ERC1: variants seen among roughly 807,000 people sequenced by gnomAD.
ERC1 encodes the protein ELKS/RAB6-interacting/CAST family member 1, also known as RAB6 interacting protein 2.
A neutral mutation model predicts 132.0 loss-of-function variants in ERC1; 56 were observed. That is an observed-to-expected ratio of 0.42 (90% CI 0.34 to 0.53). The LOEUF (loss-of-function observed/expected upper bound fraction) is 0.53. Among genes scored for constraint, ERC1 ranks in the 20% least tolerant of loss-of-function variants. ERC1 has a pLI of 0.03. For synonymous variants in ERC1, 478 were observed against 476.1 expected (o/e 1.00, Z -0.05); for missense variants, 1,202 against 1,349.9 (o/e 0.89, Z 1.72).
chr12:1,064,014 T>G (rs1468635526), intron 2 of ERC1, among the ~76,000 whole-genome samples: 1 of 152,232 alleles, frequency 6.6e-6, no homozygotes, highest in Non-Finnish European at 1.5e-5. Context: ...AAGACTTTAT[T>G]TCTCCTTCAT....
At chr12:1,247,956 A>G (rs1444369260) in intron 13 of ERC1, among the ~76,000 whole-genome samples, 1 of 152,228 alleles carries the variant, frequency 6.6e-6, no homozygotes, top group Non-Finnish European at 1.5e-5. Flanking sequence ...AGATCATGCA[A>G]CTGCACTCTA....
In ERC1 at chr12:1,028,586, G is replaced by A. The variant is rs757704162; in HGVS notation, c.669+14G>A. ...GAGGAAAACCAGGTAAGTTCTACGT[G>A]TGTTTACCTTTATTGGCTGAATTCA... is the stretch of plus-strand genomic sequence containing the variant. On this transcript the variant is annotated intron_variant, in intron 2 of 18. Transcript: ENST00000360905. 6.3e-7 allele frequency: 1 copy of A among 1,581,780 alleles called. No individual in the cohort carries two copies. The highest frequency in any genetic ancestry group is 1.4e-5 in the African/African-American group (1 of 73,336).
At chr12:1,146,941 A>G (rs969267573) in intron 8 of ERC1, among the ~76,000 whole-genome samples, 2 of 152,162 alleles carry the variant, frequency 1.3e-5, no homozygotes, top group African/African-American at 4.8e-5. Context: ...TGTCCTTACA[A>G]AGGACACAAA....
In ERC1 at chr12:1,096,000, A is replaced by C. The variant is rs552526526; in HGVS notation, c.1087-8750A>C. On this transcript the variant is annotated intron_variant, in intron 3 of 18. Transcript: ENST00000360905. ...GAGTGCAGTGGCGTGATCTTGGCTC[A>C]TTGCGGCCTCCACCTCCCAGGCTCA... is the stretch of plus-strand genomic sequence containing the variant. Among the ~76,000 whole-genome samples, 208 of 148,656 alleles carry C rather than the reference A, an allele frequency of 1.4e-3. 1 individual carries two copies. The highest frequency in any genetic ancestry group is 3.2e-3 in the South Asian group (15 of 4,752).
intron 15 of ERC1, among the ~76,000 whole-genome samples, chr12:1,291,813 C>T (rs1233241199): frequency 6.6e-6 from 1 of 152,134 alleles, no homozygotes; most frequent in Non-Finnish European, 1.5e-5. Flanking sequence ...TAAAACGGTT[C>T]ACTTGGTAGC....
At chr12:1,070,245 T>A (rs36054627) in intron 2 of ERC1, among the ~76,000 whole-genome samples, 34,495 of 152,030 alleles carry the variant, frequency 0.23, 4,332 homozygotes, top group Middle Eastern at 0.28. Context: ...GAACTGGAAG[T>A]GTTCTTTAAA....
chr12:1,223,940 T>G (rs1195111240), intron 12 of ERC1, among the ~76,000 whole-genome samples: 2 of 152,212 alleles, frequency 1.3e-5, no homozygotes, highest in Admixed American at 1.3e-4. Flanking sequence ...TTTACTAACA[T>G]CTGGGTTTTC....
chr12:1,440,199 C>CTTT (rs756177628), intron 17 of ERC1, among the ~76,000 whole-genome samples: 1,726 of 128,794 alleles, frequency 0.013, 51 homozygotes, highest in African/African-American at 0.051. Flanking sequence ...CTTTCTTTCT[C>CTTT]TTTTTTTTTT....
chr12:1,424,862 A>AGCTAGCTAGC (rs1565411560), intron 17 of ERC1, among the ~76,000 whole-genome samples: 2 of 97,332 alleles, frequency 2.1e-5, no homozygotes, highest in African/African-American at 9.3e-5. Flanking sequence ...AGATAGATAG[A>AGCTAGCTAGC]TCGATAGATA....
chr12:1,424,007 A>G (rs377686564), intron 17 of ERC1, among the ~76,000 whole-genome samples: 4 of 152,244 alleles, frequency 2.6e-5, no homozygotes, highest in South Asian at 4.1e-4. Context: ...GCAGATTGCC[A>G]GATAATATGG....
At position 1,444,742 on chromosome 12, in the gene ERC1, C is replaced by A; in HGVS notation, c.3205C>A (p.Arg1069=). 1 of 1,613,274 alleles carries A rather than the reference C, an allele frequency of 6.2e-7. No homozygotes were observed. The highest frequency in any genetic ancestry group is 8.5e-7 in the Non-Finnish European group (1 of 1,179,790). ...GGAGAATGAGCTGCAGAAGATGACC[C>A]GGGGGCAGGTGAGCCTCTCACTCAA... The part of the protein sequence containing the change: ...AWENELQKMT[R]GQLQDELEKG... The change falls in exon 18 of 19, where the codon CGG becomes AGG. Residue 1069 remains arginine (R), a synonymous_variant. Transcript: ENST00000360905.
chr12:1,041,493 C>T (rs1368971420), intron 2 of ERC1, among the ~76,000 whole-genome samples: 5 of 152,152 alleles, frequency 3.3e-5, no homozygotes, highest in Admixed American at 3.3e-4. Flanking sequence ...AGGCGTGAGC[C>T]ACCGTACCCA....
chr12:1,485,201 CTTTT>C (rs71441650), intron 18 of ERC1, among the ~76,000 whole-genome samples: 7 of 96,390 alleles, frequency 7.3e-5, no homozygotes, highest in East Asian at 5.6e-4. Context: ...GTTTATATTT[CTTTT>C]TTTTTTTTTT....
chr12:1,383,270 A>G (rs1422475444), intron 16 of ERC1, among the ~76,000 whole-genome samples: 1 of 151,904 alleles, frequency 6.6e-6, no homozygotes, highest in Non-Finnish European at 1.5e-5. Flanking sequence ...AGGTGGTGTG[A>G]TTTATAGCTG....
intron 4 of ERC1, among the ~76,000 whole-genome samples, chr12:1,109,469 G>A (rs1156940273): frequency 6.6e-6 from 1 of 151,808 alleles, no homozygotes; most frequent in Non-Finnish European, 1.5e-5. Context: ...CCTCCTTTGG[G>A]GCATAATATG....
chr12:1,433,233 G>A (rs1010170372), intron 17 of ERC1, among the ~76,000 whole-genome samples: 2 of 152,220 alleles, frequency 1.3e-5, no homozygotes, highest in Non-Finnish European at 2.9e-5. Flanking sequence ...CGTGAGAGCA[G>A]ATAAGGGCAA....
chr12:1,261,907 AG>A (rs1412530669), intron 13 of ERC1, among the ~76,000 whole-genome samples: 1 of 152,222 alleles, frequency 6.6e-6, no homozygotes, highest in African/African-American at 2.4e-5. Context: ...CTGTTCATTA[AG>A]AAGAATGTTA....
intron 2 of ERC1, among the ~76,000 whole-genome samples, chr12:1,042,399 G>T (rs1447842117): frequency 2.1e-5 from 3 of 142,732 alleles, no homozygotes; most frequent in African/African-American, 7.9e-5. Flanking sequence ...CAGATGGAGT[G>T]CAGTGACACG....
intron 18 of ERC1, among the ~76,000 whole-genome samples, chr12:1,451,941 C>T (rs1394219710): frequency 6.6e-6 from 1 of 152,106 alleles, no homozygotes; most frequent in Non-Finnish European, 1.5e-5. Context: ...CACCAGGGTA[C>T]ACACACACAG....
Sources: gnomAD v4.1 joint callset for allele counts (sites outside exome capture counted in the v4.1 genomes callset) on GRCh38, gnomAD v4.1.1 for gene constraint, MANE v1.5 for transcripts, NCBI Gene and HGNC (gene_info 2026-07-23, HGNC 2026-07-21) for gene names.